VWC2: variants seen among roughly 807,000 people sequenced by gnomAD.
VWC2 encodes the protein von Willebrand factor C domain containing 2, also known as brorin.
Under a neutral mutation model 29.8 loss-of-function variants are expected in VWC2, and 14 were observed. The observed-to-expected ratio is 0.47, with a 90% CI of 0.31 to 0.74. The LOEUF is 0.74. Ranked by LOEUF, VWC2 falls within the 30% of genes least tolerant of loss-of-function variation. The pLI, the probability that VWC2 is intolerant of heterozygous loss-of-function variation, is 0.05. For missense variants in VWC2, 457 were observed against 459.8 expected, an observed-to-expected ratio of 0.99 and a Z score of 0.05; for synonymous variants, 213 against 199.0, an observed-to-expected ratio of 1.07 and a Z score of -0.59.
intron 2 of VWC2, among the ~76,000 whole-genome samples, chr7:49,791,950 T>C (rs573370215): frequency 2.8e-4 from 43 of 152,208 alleles, no homozygotes; most frequent in Non-Finnish European, 5.4e-4. Context: ...TACTTACTTG[T>C]GTCTGCTCTC....
Position 49,836,133 on chromosome 7 carries a change from C to G in VWC2, c.826+33293C>G, listed in dbSNP as rs183004917. ...GTTCTCAGATTATTCCATATGGCAT[C>G]ACATCATCAAATTTAATTTGGATAG... is the stretch of plus-strand genomic sequence containing the variant. On this transcript the variant is annotated intron_variant, in intron 3 of 3. Transcript: ENST00000340652. Among the ~76,000 whole-genome samples, 3 of 152,246 alleles carry G rather than the reference C, an allele frequency of 2.0e-5. No individual in the cohort carries two copies. The East Asian group carries it at 5.8e-4, about 29-fold the overall frequency.
At chr7:49,886,371 AATC>A (rs1410995558) in intron 3 of VWC2, among the ~76,000 whole-genome samples, 3 of 152,216 alleles carry the variant, frequency 2.0e-5, no homozygotes, top group Non-Finnish European at 4.4e-5. Flanking sequence ...GTAGCTTCTA[AATC>A]ATCATCTAAT....
chr7:49,901,375 G>A (rs976882653), intron 3 of VWC2, among the ~76,000 whole-genome samples: 1 of 151,660 alleles, frequency 6.6e-6, no homozygotes, highest in African/African-American at 2.4e-5. Flanking sequence ...AGTGTACAAG[G>A]TTAATAGACA....
chr7:49,886,227 T>A (rs1374904893), intron 3 of VWC2, among the ~76,000 whole-genome samples: 2 of 152,208 alleles, frequency 1.3e-5, no homozygotes, highest in African/African-American at 2.4e-5. Context: ...GTGCTTCTAC[T>A]GTACTGAAAT....
At chr7:49,881,411 G>T (rs1394578250) in intron 3 of VWC2, among the ~76,000 whole-genome samples, 1 of 152,172 alleles carries the variant, frequency 6.6e-6, no homozygotes, top group African/African-American at 2.4e-5. Context: ...TGGAATGAAT[G>T]ATTTAATAGA....
intron 1 of VWC2, among the ~76,000 whole-genome samples, chr7:49,774,917 A>T (rs912933998): frequency 2.0e-5 from 3 of 152,192 alleles, no homozygotes; most frequent in Admixed American, 1.3e-4. Flanking sequence ...GTCCGTCTCT[A>T]ACTCCACTGC....
Position 49,915,187 on chromosome 7 carries a change from T to A in VWC2, c.*3002T>A, listed in dbSNP as rs2128744618. On this transcript the variant is annotated 3_prime_UTR_variant, in exon 4 of 4. Transcript: ENST00000340652. ...CATTTCCCAGAAGTCTTGAGAAAAG[T>A]CATTTCAAAAACTTGTATTTCATCC... 1 of 152,302 alleles carries A rather than the reference T, an allele frequency of 6.6e-6. No homozygotes were observed. The highest frequency in any genetic ancestry group is 1.5e-5 in the Non-Finnish European group (1 of 68,014). The allele number at this position is 152,302 out of a possible 1,614,324, so 9.4% of individuals were successfully genotyped here. A position where few individuals can be genotyped will look rare whatever the true frequency, so the allele number is the denominator to read the frequency against.
chr7:49,881,311 G>C (rs895373503), intron 3 of VWC2, among the ~76,000 whole-genome samples: 11 of 152,102 alleles, frequency 7.2e-5, no homozygotes, highest in Admixed American at 2.0e-4. Context: ...TGGCCTATAA[G>C]AGACTCCACC....
intron 3 of VWC2, among the ~76,000 whole-genome samples, chr7:49,825,362 G>GT (rs1014782636): frequency 1.8e-4 from 28 of 152,216 alleles, no homozygotes; most frequent in Admixed American, 1.3e-3. Flanking sequence ...CATTTCTTTA[G>GT]TTTTTTCTCC....
intron 3 of VWC2, among the ~76,000 whole-genome samples, chr7:49,838,560 G>A (rs1184249874): frequency 6.6e-6 from 1 of 151,926 alleles, no homozygotes; most frequent in Admixed American, 6.6e-5. Context: ...TAGCACAGGA[G>A]GGCCTGTGTC....
At chr7:49,895,412 T>G (rs891154504) in intron 3 of VWC2, among the ~76,000 whole-genome samples, 10 of 152,156 alleles carry the variant, frequency 6.6e-5, no homozygotes, top group African/African-American at 2.2e-4. Context: ...TCAGCACCAG[T>G]GAGCAGGGTG....
chr7:49,855,761 C>G (rs1790392886), intron 3 of VWC2, among the ~76,000 whole-genome samples: 1 of 152,162 alleles, frequency 6.6e-6, no homozygotes, highest in Non-Finnish European at 1.5e-5. Context: ...GTCCCTGCCT[C>G]CCCAGAAGCC....
At chr7:49,903,875 A>T (rs1583800212) in intron 3 of VWC2, among the ~76,000 whole-genome samples, 1 of 152,278 alleles carries the variant, frequency 6.6e-6, no homozygotes, top group East Asian at 1.9e-4. Context: ...CCAAGAGGAA[A>T]GACTGGCTGG....
At chr7:49,885,977 C>A (rs1791887335) in intron 3 of VWC2, among the ~76,000 whole-genome samples, 2 of 152,218 alleles carry the variant, frequency 1.3e-5, no homozygotes, top group African/African-American at 4.8e-5. Flanking sequence ...TGGAGAAAAT[C>A]AGTTACATTT....
At position 49,776,118 on chromosome 7, in the gene VWC2, T is replaced by C. The variant is rs1426620167; in HGVS notation, c.683T>C (p.Leu228Ser). Reference protein sequence around the residue: ...CEFRGKTYQTLEEFVVSPCER... With the variant: ...CEFRGKTYQTSEEFVVSPCER... ...TTCCGGGGCAAGACCTATCAGACTT[T>C]GGAGGAGTTCGTGGTAAGATGCGAA... Residue 228 changes from leucine (L) to serine (S), a missense_variant, in exon 2 of 4, where the codon TTG becomes TCG. Around this residue, in one of 2 missense-constraint regions of VWC2, gnomAD observed 185 missense variants for 257.1 expected, o/e 0.72. Transcript: ENST00000340652. 1.2e-5 allele frequency: 18 copies of C among 1,525,312 alleles called. No individual in the cohort carries two copies. The highest frequency in any genetic ancestry group is 1.9e-5 in the Admixed American group (1 of 51,468). 94.5% of individuals were successfully genotyped at this position (1,525,312 alleles called of 1,614,324 possible).
chr7:49,818,717 G>A (rs1024388640), intron 3 of VWC2, among the ~76,000 whole-genome samples: 1 of 150,374 alleles, frequency 6.7e-6, no homozygotes, highest in Non-Finnish European at 1.5e-5. Flanking sequence ...TAAAATTGAA[G>A]ATAAAAATAT....
chr7:49,844,922 A>ATGAC (rs1255266330), intron 3 of VWC2, among the ~76,000 whole-genome samples: 1 of 152,118 alleles, frequency 6.6e-6, no homozygotes, highest in East Asian at 1.9e-4. Context: ...ACCCCAGGTG[A>ATGAC]TCTGCCCACC....
chr7:49,781,029 T>A (rs980206712), intron 2 of VWC2, among the ~76,000 whole-genome samples: 1 of 152,246 alleles, frequency 6.6e-6, no homozygotes, highest in Non-Finnish European at 1.5e-5. Flanking sequence ...TTCAGTCTAA[T>A]GGTATTTATA....
chr7:49,841,129 C>G (rs1789783714), intron 3 of VWC2, among the ~76,000 whole-genome samples: 1 of 152,184 alleles, frequency 6.6e-6, no homozygotes, highest in Non-Finnish European at 1.5e-5. Flanking sequence ...ACAAGCGAAG[C>G]TGTCTGTTCT....
Sources: gnomAD v4.1 joint callset for allele counts (sites outside exome capture counted in the v4.1 genomes callset) on GRCh38, gnomAD v4.1.1 for gene constraint, gnomAD v4.1.1 regional missense constraint, MANE v1.5 for transcripts, NCBI Gene and HGNC (gene_info 2026-07-23, HGNC 2026-07-21) for gene names.